The following RTKN2 variants were observed in gnomAD, a reference collection of about 807,000 sequenced individuals.
RTKN2 encodes rhotekin-2.
RTKN2 carries 69 observed loss-of-function variants against 71.5 expected under a neutral mutation model. The observed-to-expected ratio is 0.96, with a 90% confidence interval of 0.79 to 1.18. RTKN2 has a LOEUF of 1.18. Among genes scored for constraint, RTKN2 ranks in the 50% most tolerant of loss-of-function variants. The pLI is 0.00. For missense variants in RTKN2, 724 were observed against 719.7 expected (o/e 1.01, Z -0.07); for synonymous variants, 236 against 236.5 (o/e 1.00, Z 0.02).
At chr10:62,261,827 G>A (rs4246940) in intron 2 of RTKN2, among the ~76,000 whole-genome samples, 1 of 151,880 alleles carries the variant, frequency 6.6e-6, no homozygotes, top group Admixed American at 6.6e-5. Flanking sequence ...ATGCTATGCT[G>A]AGCCCAACAG....
chr10:62,225,774 ATTTTC>A (rs1380184351), intron 6 of RTKN2, among the ~76,000 whole-genome samples: 18 of 146,158 alleles, frequency 1.2e-4, no homozygotes, highest in East Asian at 6.0e-4. Context: ...TAACAACTGT[ATTTTC>A]TTTTCTTTTT....
At chr10:62,201,579 A>G (rs1227456140) in intron 10 of RTKN2, among the ~76,000 whole-genome samples, 1 of 152,154 alleles carries the variant, frequency 6.6e-6, no homozygotes, top group Non-Finnish European at 1.5e-5. Flanking sequence ...GGCAGGAAAA[A>G]AACCCATATC....
chr10:62,217,151 TTTAGCTTCAA>T lies in RTKN2; in HGVS notation c.977_986del (p.Ile326LysfsTer7). On this transcript the variant is annotated frameshift_variant, in exon 9 of 12. Coordinates refer to ENST00000373789, the MANE Select transcript of RTKN2 (RefSeq NM_145307.4). LOFTEE classifies it high-confidence loss of function. ...TGGGTACTACCAAAGCTGGTTCCAC[TTTAGCTTCAA>T]TTTCCTCTGGACTGTAAAAACAATA... The T allele has an allele frequency of 6.3e-7, 1 of 1,589,322 alleles. No individual in the cohort carries two copies. The highest frequency in any genetic ancestry group is 8.5e-7 in the Non-Finnish European group (1 of 1,170,130).
exon 9 of RTKN2, chr10:62,184,262 G>C (rs1490530705): frequency 2.7e-6 from 3 of 1,111,334 alleles, no homozygotes; most frequent in African/African-American, 3.2e-5. Flanking sequence ...CATTCTACTA[G>C]AGAAATGTCA....
downstream of RTKN2, among the ~76,000 whole-genome samples, chr10:62,191,140 T>C (rs1048105225): frequency 6.6e-6 from 1 of 152,222 alleles, no homozygotes; most frequent in East Asian, 1.9e-4. Flanking sequence ...ACTTCTTAAC[T>C]CGTTAGTTTT....
chr10:62,225,167 G>T (rs750011654), intron 6 of RTKN2, among the ~76,000 whole-genome samples: 1 of 152,160 alleles, frequency 6.6e-6, no homozygotes, highest in Non-Finnish European at 1.5e-5. Flanking sequence ...TTCTTAAAGT[G>T]CCTGCTTGAG....
At chr10:62,247,816 A>G (rs983652670) in intron 2 of RTKN2, among the ~76,000 whole-genome samples, 1 of 152,076 alleles carries the variant, frequency 6.6e-6, no homozygotes, top group African/African-American at 2.4e-5. Flanking sequence ...TTTGAAAGTA[A>G]TATTTCTGAA....
intron 9 of RTKN2, among the ~76,000 whole-genome samples, chr10:62,210,119 G>T (rs942607555): frequency 9.2e-5 from 14 of 152,108 alleles, no homozygotes; most frequent in Non-Finnish European, 1.9e-4. Context: ...AGACTTAAAA[G>T]ACCTAATCAA....
At chr10:62,243,705 G>T (rs925072162) in intron 3 of RTKN2, among the ~76,000 whole-genome samples, 3 of 152,168 alleles carry the variant, frequency 2.0e-5, no homozygotes, top group African/African-American at 7.2e-5. Context: ...TCCAATGATA[G>T]AACTTCCTTC....
chr10:62,255,728 C>CTT (rs1255775683), intron 2 of RTKN2, among the ~76,000 whole-genome samples: 1 of 152,156 alleles, frequency 6.6e-6, no homozygotes, highest in Non-Finnish European at 1.5e-5. Flanking sequence ...AAAGGGAAAA[C>CTT]CATTTTATCA....
At chr10:62,241,062 G>C (rs1402530523) in intron 4 of RTKN2, 80 bp downstream of exon 4, 1 of 714,702 alleles carries the variant, frequency 1.4e-6, no homozygotes, top group African/African-American at 1.8e-5. Flanking sequence ...TTTCAGCAAG[G>C]AAGCAGTCTT....
intron 9 of RTKN2, among the ~76,000 whole-genome samples, chr10:62,208,460 CA>C (rs1479845225): frequency 6.6e-6 from 1 of 152,122 alleles, no homozygotes; most frequent in African/African-American, 2.4e-5. Context: ...ATTCAAGAGT[CA>C]ACTCGAAGGG....
chr10:62,246,080 G>A, intron 2 of RTKN2, 23 bp from the exon 3 acceptor site: 1 of 1,483,562 alleles, frequency 6.7e-7, no homozygotes, highest in Admixed American at 2.0e-5. Context: ...AAAAACTTAT[G>A]GAAAAAAGAT....
At position 62,239,721 on chromosome 10, in the gene RTKN2, T is replaced by C. The variant is rs531021351; in HGVS notation, c.415A>G (p.Asn139Asp). The C allele has an allele frequency of 2.5e-6, 4 of 1,594,436 alleles. No individual in the cohort carries two copies. Among genetic ancestry groups the C allele is most frequent in the Middle Eastern group, 1.7e-4 (1 of 6,026 alleles). The change falls in exon 5 of 12, where the codon AAT (asparagine) becomes GAT (aspartate). Residue 139 changes from asparagine to aspartate, a missense_variant. By Grantham distance (23) the Asn-to-Asp change is conservative. Coordinates refer to ENST00000373789, the MANE Select transcript of RTKN2 (RefSeq NM_145307.4). Reference sequence around the variant, plus strand: ...TTCACCACATCAGTATCAAACACATTAGCTCCCATTTTGAATAAACAAAAA... The same window carrying C: ...TTCACCACATCAGTATCAAACACATCAGCTCCCATTTTGAATAAACAAAAA... ...AIFCLFKMGANVFDTDVVNVD... is the reference protein window; with the variant it reads ...AIFCLFKMGADVFDTDVVNVD...
Position 62,194,764 on chromosome 10 carries a change from T to G in RTKN2, c.*3144A>C. 3 of 985,354 alleles carry G rather than the reference T, an allele frequency of 3.0e-6. No homozygotes were observed. Among genetic ancestry groups the G allele is most frequent in the Non-Finnish European group, 3.6e-6 (3 of 829,830 alleles). 61.0% of individuals were successfully genotyped at this position (985,354 alleles called of 1,614,324 possible). On this transcript the variant is annotated 3_prime_UTR_variant, in exon 12 of 12. Transcript: ENST00000373789. ...GAAATACTTGACTGCTTAACCTACC[T>G]TACGTGAGGTATCTCTAATTCAAGA...
intron 2 of RTKN2, among the ~76,000 whole-genome samples, chr10:62,261,078 T>C (rs1021151588): frequency 1.4e-4 from 21 of 152,238 alleles, no homozygotes; most frequent in Non-Finnish European, 2.4e-4. Context: ...CTTTGCATCA[T>C]GTACTCTCAG....
rs945754642 is a variant in RTKN2 at position 62,195,045 on chromosome 10, C to T, written c.*2863G>A. On this transcript the variant is annotated 3_prime_UTR_variant, in exon 12 of 12. Transcript: ENST00000373789. ...GAATTTTAAAAATGCCTTCTTTGCC[C>T]TTGCAAGATATTAAAATACAAAAGT... The T allele has an allele frequency of 5.1e-6, 5 of 984,842 alleles. No individual in the cohort carries two copies. The highest frequency in any genetic ancestry group is 6.0e-6 in the Non-Finnish European group (5 of 829,490). 61.0% of individuals were successfully genotyped at this position (984,842 alleles called of 1,614,324 possible).
At chr10:62,223,075 A>G (rs1303979672) in intron 7 of RTKN2, among the ~76,000 whole-genome samples, 163 bp downstream of exon 7, 1 of 152,172 alleles carries the variant, frequency 6.6e-6, no homozygotes, top group African/African-American at 2.4e-5. Context: ...AGAAAGGAAA[A>G]TAAACTTTTC....
intron 8 of RTKN2, among the ~76,000 whole-genome samples, chr10:62,187,904 G>C (rs1841162181): frequency 6.6e-6 from 1 of 152,128 alleles, no homozygotes; most frequent in Admixed American, 6.5e-5. Context: ...AATTTCTTCA[G>C]CATACCAGAA....
Sources: gnomAD v4.1 joint callset for allele counts (sites outside exome capture counted in the v4.1 genomes callset) on GRCh38, gnomAD v4.1.1 for gene constraint, MANE v1.5 for transcripts, NCBI Gene and HGNC (gene_info 2026-07-23, HGNC 2026-07-21) for gene names.